The following KIAA0825 variants were observed in gnomAD, a reference collection of about 807,000 sequenced individuals.
The protein encoded by KIAA0825 is uncharacterized protein KIAA0825.
In KIAA0825, 119 loss-of-function variants were observed where a neutral mutation model predicts 147.6. The observed-to-expected ratio is 0.81, with a 90% CI of 0.69 to 0.94. KIAA0825 has a LOEUF of 0.94. Among genes scored for constraint, KIAA0825 ranks in the 40% least tolerant of loss-of-function variants. KIAA0825 has a pLI of 0.00. For synonymous variants in KIAA0825, 470 were observed against 518.1 expected, an observed-to-expected ratio of 0.91 and a Z score of 1.26; for missense variants, 1,381 against 1,472.7, an observed-to-expected ratio of 0.94 and a Z score of 1.02.
intron 2 of KIAA0825, among the ~76,000 whole-genome samples, chr5:94,567,225 A>AGG (rs1273024229): frequency 4.7e-4 from 72 of 152,278 alleles, no homozygotes; most frequent in African/African-American, 1.6e-3. Flanking sequence ...TCCCATTTGC[A>AGG]AGGTTTGTTT....
At chr5:94,564,867 T>C (rs987785961) in intron 2 of KIAA0825, among the ~76,000 whole-genome samples, 15 of 152,174 alleles carry the variant, frequency 9.9e-5, no homozygotes, top group Non-Finnish European at 1.9e-4. Flanking sequence ...AGTGCAGCAG[T>C]TTTCTAAATC....
chr5:94,438,350 A>G (rs967397659), intron 14 of KIAA0825, among the ~76,000 whole-genome samples: 7 of 152,256 alleles, frequency 4.6e-5, no homozygotes, highest in Non-Finnish European at 8.8e-5. Context: ...ATAGTGCTTG[A>G]TAACTAATAA....
chr5:94,173,983 T>G (rs13185608), intron 20 of KIAA0825, among the ~76,000 whole-genome samples: 13,078 of 152,222 alleles, frequency 0.086, 724 homozygotes, highest in Middle Eastern at 0.14. Context: ...GTGTTGCCCT[T>G]TTCAATAGCT....
chr5:94,210,359 TC>T (rs1035020178), intron 20 of KIAA0825, among the ~76,000 whole-genome samples: 1 of 152,068 alleles, frequency 6.6e-6, no homozygotes, highest in Non-Finnish European at 1.5e-5. Context: ...CAGAAGAAAA[TC>T]CTTATAACAT....
intron 2 of KIAA0825, among the ~76,000 whole-genome samples, chr5:94,581,121 GA>G (rs900203911): frequency 2.7e-5 from 4 of 150,240 alleles, no homozygotes; most frequent in Non-Finnish European, 5.9e-5. Flanking sequence ...TGCTTTTAGT[GA>G]AAAAAAAATC....
chr5:94,205,467 AT>A (rs1369380555), intron 20 of KIAA0825, among the ~76,000 whole-genome samples: 2 of 150,894 alleles, frequency 1.3e-5, no homozygotes, highest in East Asian at 3.9e-4. Context: ...ACTTTTTTAT[AT>A]TTTTAGTAGA....
chr5:94,158,739 T>C (rs1767273716), intron 20 of KIAA0825, among the ~76,000 whole-genome samples: 2 of 152,168 alleles, frequency 1.3e-5, no homozygotes, highest in Admixed American at 1.3e-4. Flanking sequence ...TTATAAGCAG[T>C]GTGGCCTTGG....
intron 2 of KIAA0825, among the ~76,000 whole-genome samples, chr5:94,548,364 AG>A (rs1266372074): frequency 6.6e-6 from 1 of 152,174 alleles, no homozygotes; most frequent in Non-Finnish European, 1.5e-5. Flanking sequence ...GTTATAGGAT[AG>A]TATTTGCAAA....
chr5:94,575,175 A>G (rs913682781), intron 2 of KIAA0825, among the ~76,000 whole-genome samples: 1 of 152,178 alleles, frequency 6.6e-6, no homozygotes, highest in Non-Finnish European at 1.5e-5. Flanking sequence ...TATCCTGTAC[A>G]TAAGAGGGAG....
chr5:94,364,529 C>G (rs1045703201), intron 20 of KIAA0825, among the ~76,000 whole-genome samples: 3 of 151,940 alleles, frequency 2.0e-5, no homozygotes, highest in Non-Finnish European at 4.4e-5. Flanking sequence ...CTACAGGCAC[C>G]TGACACCACG....
intron 5 of KIAA0825, among the ~76,000 whole-genome samples, chr5:94,497,272 A>G (rs555918684): frequency 6.6e-6 from 1 of 152,288 alleles, no homozygotes; most frequent in East Asian, 1.9e-4. Flanking sequence ...TGTGAGATTC[A>G]TTTTGGAATA....
chr5:94,433,128 G>C (rs1422580036), intron 14 of KIAA0825, among the ~76,000 whole-genome samples: 1 of 152,102 alleles, frequency 6.6e-6, no homozygotes, highest in Non-Finnish European at 1.5e-5. Context: ...CCACCTTCCG[G>C]GTTGACATCC....
chr5:94,469,003 T>G (rs1760887619), intron 10 of KIAA0825, among the ~76,000 whole-genome samples: 1 of 152,200 alleles, frequency 6.6e-6, no homozygotes, highest in Non-Finnish European at 1.5e-5. Flanking sequence ...AATATTGTGG[T>G]CTGCACATAA....
intron 20 of KIAA0825, among the ~76,000 whole-genome samples, chr5:94,159,378 T>C (rs1203038980): frequency 6.6e-6 from 1 of 152,132 alleles, no homozygotes; most frequent in Non-Finnish European, 1.5e-5. Flanking sequence ...CAATGCATTG[T>C]TGTAAATAGT....
At chr5:94,372,466 G>A (rs1475120165) in intron 20 of KIAA0825, among the ~76,000 whole-genome samples, 1 of 152,190 alleles carries the variant, frequency 6.6e-6, no homozygotes, top group Non-Finnish European at 1.5e-5. Context: ...CTTGTCTTCT[G>A]TGCACCCGCA....
rs533472835 is a variant in KIAA0825, at chr5:94,291,720, G to A, written c.3710+92648C>T. ...CTTTGGGCAGTATGGCCATTTTCAC[G>A]ATATTGATTCTTCCTATCCATGAGC... On this transcript the variant is annotated intron_variant, in intron 20 of 20. Transcript: ENST00000682413. Among the ~76,000 whole-genome samples, 67 of 152,210 alleles carry A rather than the reference G, an allele frequency of 4.4e-4. 1 individual carries two copies. The highest frequency in any genetic ancestry group is 3.4e-3 in the Middle Eastern group (1 of 294).
chr5:94,188,146 C>G (rs1032024445), intron 20 of KIAA0825, among the ~76,000 whole-genome samples: 9 of 152,266 alleles, frequency 5.9e-5, no homozygotes, highest in Non-Finnish European at 1.0e-4. Context: ...AGGCTAGCAC[C>G]CTGATCGTGA....
intron 18 of KIAA0825, among the ~76,000 whole-genome samples, chr5:94,388,350 AC>A (rs1749456249): frequency 6.6e-6 from 1 of 152,020 alleles, no homozygotes; most frequent in Admixed American, 6.5e-5. Context: ...GGGGTTGGGG[AC>A]CCCTGTTGTA....
chr5:94,223,389 T>A (rs1463533024), intron 20 of KIAA0825, among the ~76,000 whole-genome samples: 1 of 152,118 alleles, frequency 6.6e-6, no homozygotes, highest in Non-Finnish European at 1.5e-5. Context: ...AAAGTATACC[T>A]CACGTAGACT....
Sources: allele counts gnomAD v4.1 joint callset (sites outside exome capture counted in the v4.1 genomes callset), GRCh38; gene constraint gnomAD v4.1.1; transcripts MANE v1.5; gene names NCBI Gene and HGNC (gene_info 2026-07-23, HGNC 2026-07-21).